The following IL16 variants were observed in gnomAD, a reference collection of about 807,000 sequenced individuals.
IL16 encodes the protein pro-interleukin-16.
Under a neutral mutation model 110.1 loss-of-function variants are expected in IL16, and 67 were observed. That is an observed-to-expected ratio of 0.61 (90% CI 0.50 to 0.75). IL16 has a LOEUF of 0.75. Among genes scored for constraint, IL16 ranks in the 30% least tolerant of loss-of-function variants. The probability of loss-of-function intolerance (pLI) is 0.00; values close to 1 mark genes in which losing one functional copy is unlikely to be tolerated. For missense variants in IL16, 1,545 were observed against 1,655.0 expected, an observed-to-expected ratio of 0.93 and a Z score of 1.15; for synonymous variants, 689 against 662.9, an observed-to-expected ratio of 1.04 and a Z score of -0.61.
At chr15:81,218,422 A>C (rs961902758) in intron 1 of IL16, among the ~76,000 whole-genome samples, 1 of 152,214 alleles carries the variant, frequency 6.6e-6, no homozygotes, top group Non-Finnish European at 1.5e-5. Context: ...TTCTCCCCTA[A>C]TTCATCTATA....
At chr15:81,240,565 G>C (rs373591647) in intron 2 of IL16, among the ~76,000 whole-genome samples, 1 of 152,090 alleles carries the variant, frequency 6.6e-6, no homozygotes, top group African/African-American at 2.4e-5. Context: ...CAATGAAATT[G>C]TTTCTAATTT....
upstream of IL16, chr15:81,196,757 C>G (rs1285525049): frequency 9.2e-6 from 8 of 865,774 alleles, no homozygotes; most frequent in East Asian, 8.5e-4. Flanking sequence ...AGATGGTGGA[C>G]CTTGTTCTGA....
In IL16 at chr15:81,285,562, G is replaced by T. The variant is rs943087747; in HGVS notation, c.1200-136G>T. On this transcript the variant is annotated intron_variant, in intron 9 of 18. Coordinates refer to ENST00000683961, the MANE Select transcript of IL16 (RefSeq NM_172217.5). ...CCCTGTTCTGAGTTTTGGTCTGGTGGCTAGTGGGGTCTACTTATTCATGTG... is the reference window on the plus strand; with the variant it reads ...CCCTGTTCTGAGTTTTGGTCTGGTGTCTAGTGGGGTCTACTTATTCATGTG... 2.0e-5 allele frequency: 17 copies of T among 862,336 alleles called. No individual in the cohort carries two copies. The African/African-American group carries it at 2.4e-4, about 12-fold the overall frequency. The allele number at this position is 862,336 out of a possible 1,614,324, so 53.4% of individuals were successfully genotyped here.
At chr15:81,210,483 C>T (rs1896198731) in intron 1 of IL16, among the ~76,000 whole-genome samples, 1 of 152,168 alleles carries the variant, frequency 6.6e-6, no homozygotes, top group Admixed American at 6.5e-5. Flanking sequence ...TTGATTCTTC[C>T]AGTCCATGAG....
chr15:81,299,760 C>G lies in IL16; in HGVS notation c.2434C>G (p.Pro812Ala). ...RASDPRGLPD[P>A]ALSTQPAPAS... ...TTCAGACCCAAGAGGGCTCCCTGAT[C>G]CTGCCTTGTCCACCCAGCCAGCACC... is the stretch of plus-strand genomic sequence containing the variant. The change falls in exon 14 of 19, where the codon CCT (proline) becomes GCT (alanine). Residue 812 changes from proline to alanine, a missense_variant. Physicochemically the swap from Pro to Ala is conservative, Grantham distance 27. Coordinates refer to ENST00000683961, the MANE Select transcript of IL16 (RefSeq NM_172217.5). 6.2e-7 allele frequency: 1 copy of G among 1,614,190 alleles called. No homozygotes were observed. The highest frequency in any genetic ancestry group is 8.5e-7 in the Non-Finnish European group (1 of 1,180,026).
chr15:81,275,629 C>A (rs1017604753), intron 6 of IL16, among the ~76,000 whole-genome samples: 1 of 152,046 alleles, frequency 6.6e-6, no homozygotes, highest in African/African-American at 2.4e-5. Flanking sequence ...CTGCCCAAGC[C>A]AAACTTTTTA....
chr15:81,258,363 A>G (rs942978575), intron 2 of IL16, among the ~76,000 whole-genome samples: 1 of 152,196 alleles, frequency 6.6e-6, no homozygotes, highest in Non-Finnish European at 1.5e-5. Context: ...CATACTCAAT[A>G]CTATAAAATA....
intron 3 of IL16, among the ~76,000 whole-genome samples, chr15:81,263,105 CCTT>C (rs1434767936): frequency 2.9e-5 from 4 of 139,284 alleles, no homozygotes; most frequent in African/African-American, 1.2e-4. Context: ...CTTCTGATTT[CCTT>C]AAGTTTTAAT....
rs1275444035 is a variant in IL16, at chr15:81,243,143, G to GTATATATATATATATA, written c.313-16623_313-16608dup. ...TTTTGCTTATATATTAGCTATATAA[G>GTATATATATATATATA]TATATATATATATATATATATTTTT... On this transcript the variant is annotated intron_variant, in intron 2 of 18. Transcript: ENST00000683961. Among the ~76,000 whole-genome samples, 181 of 47,180 alleles carry GTATATATATATATATA rather than the reference G, an allele frequency of 3.8e-3. 1 individual carries two copies. Among genetic ancestry groups the GTATATATATATATATA allele is most frequent in the Non-Finnish European group, 4.9e-3 (136 of 28,026 alleles). The allele number at this position is 47,180 out of a possible 152,430, so 31.0% of individuals were successfully genotyped here. A position where few individuals can be genotyped will look rare whatever the true frequency, so the allele number is the denominator to read the frequency against.
At chr15:81,295,349 T>C in intron 12 of IL16, 1 of 1,173,886 alleles carries the variant, frequency 8.5e-7, no homozygotes, top group South Asian at 1.6e-5. Context: ...TTCTGAAGTC[T>C]CCCATGAAGA....
At chr15:81,240,777 G>A (rs996220170) in intron 2 of IL16, among the ~76,000 whole-genome samples, 2 of 151,200 alleles carry the variant, frequency 1.3e-5, no homozygotes, top group African/African-American at 4.9e-5. Context: ...TCTTTTAATC[G>A]ATGAGTAGAA....
chr15:81,300,420 T>C lies in IL16; in HGVS notation c.3094T>C (p.Ser1032Pro), dbSNP rs1900222530. The change falls in exon 14 of 19, where the codon TCA (serine) becomes CCA (proline). Residue 1032 changes from serine to proline, a missense_variant. Ser to Pro is a moderately conservative substitution (Grantham distance 74). This residue lies in a region of IL16 where 356 missense variants were observed against 399.3 expected (regional missense o/e 0.89). Transcript: ENST00000683961. ...TCCAACATCATCATCCAACGAAGAC[T>C]CAGCTGCAAATGGTTCTGCTGAAAC... ...ASPTSSSNEDSAANGSAETSA... is the reference protein window; with the variant it reads ...ASPTSSSNEDPAANGSAETSA... 6.2e-7 allele frequency: 1 copy of C among 1,614,168 alleles called. No homozygotes were observed. The highest frequency in any genetic ancestry group is 8.5e-7 in the Non-Finnish European group (1 of 1,180,020).
Position 81,301,452 on chromosome 15 carries a change from C to T in IL16, c.3258C>T (p.Ser1086=), listed in dbSNP as rs768181433. The part of the protein sequence containing the change: ...QSGQSVISLL[S]SEELKKLIEE... ...GTCAGTCCGTTATCTCCCTGCTGAG[C>T]TCAGAAGAATTAAAAAAACTCATCG... is the stretch of plus-strand genomic sequence containing the variant. The change falls in exon 15 of 19, where the codon AGC becomes AGT. Residue 1086 remains serine, a synonymous_variant. Coordinates refer to ENST00000683961, the MANE Select transcript of IL16 (RefSeq NM_172217.5). The T allele has an allele frequency of 6.2e-7, 1 of 1,614,074 alleles. No individual in the cohort carries two copies. Among genetic ancestry groups the T allele is most frequent in the East Asian group, 2.2e-5 (1 of 44,880 alleles).
chr15:81,259,700 A>G, intron 2 of IL16, 72 bp from the exon 3 acceptor site: 1 of 979,328 alleles, frequency 1.0e-6, no homozygotes, highest in Non-Finnish European at 1.6e-6. Flanking sequence ...GGTCAGTGTC[A>G]AAATCCAATT....
chr15:81,229,630 A>G (rs1896904971), intron 2 of IL16, among the ~76,000 whole-genome samples: 1 of 152,178 alleles, frequency 6.6e-6, no homozygotes, highest in African/African-American at 2.4e-5. Context: ...CCTGCAATCA[A>G]AGGTTCCAGG....
At chr15:81,292,126 T>C (rs1163662784) in intron 11 of IL16, 3 of 365,490 alleles carry the variant, frequency 8.2e-6, no homozygotes, top group African/African-American at 4.3e-5. Context: ...AGTTGTCCTA[T>C]GTTGGCCAAC....
At chr15:81,184,898 G>A (rs1419227818) in intron 1 of IL16, among the ~76,000 whole-genome samples, 1 of 152,324 alleles carries the variant, frequency 6.6e-6, no homozygotes, top group East Asian at 1.9e-4. Context: ...TGCAGATTCT[G>A]AGCATGTGGT....
rs369387714 is a variant in IL16 at position 81,226,597 on chromosome 15, C to A, written c.312+886C>A. 3.3e-5 allele frequency among the ~76,000 whole-genome samples: 5 copies of A among 152,182 alleles called. 1 individual carries two copies. The South Asian group carries it at 1.0e-3, about 32-fold the overall frequency. ...GGTCTGTCACCTCTGTACAGCTTGC[C>A]TTCTTCAGGAGGGAAATCACTATTT... On this transcript the variant is annotated intron_variant, in intron 2 of 18. Coordinates refer to ENST00000683961, the MANE Select transcript of IL16 (RefSeq NM_172217.5).
chr15:81,261,304 C>T (rs1898145648), intron 3 of IL16, among the ~76,000 whole-genome samples: 2 of 152,182 alleles, frequency 1.3e-5, no homozygotes, highest in South Asian at 4.1e-4. Flanking sequence ...GCCACGTGCC[C>T]CTGAAGCCAG....
Sources: gnomAD v4.1 joint callset for allele counts (sites outside exome capture counted in the v4.1 genomes callset) on GRCh38, gnomAD v4.1.1 for gene constraint, gnomAD v4.1.1 regional missense constraint, MANE v1.5 for transcripts, NCBI Gene and HGNC (gene_info 2026-07-23, HGNC 2026-07-21) for gene names.